ZNF136: variants seen among roughly 807,000 people sequenced by gnomAD.
ZNF136 encodes zinc finger protein 136.
Under a neutral mutation model 11.4 loss-of-function variants are expected in ZNF136, and 8 were observed. The observed-to-expected ratio is 0.70, with a 90% CI of 0.41 to 1.27. ZNF136 has a LOEUF of 1.27. ZNF136 is among the 50% of genes most tolerant of loss of function. The pLI is 0.01. For synonymous variants in ZNF136, 190 were observed against 207.1 expected, an observed-to-expected ratio of 0.92 and a Z score of 0.71; for missense variants, 590 against 656.5, an observed-to-expected ratio of 0.90 and a Z score of 1.11.
rs376172928 is a variant in ZNF136 at position 12,186,800 on chromosome 19, C to A, written c.422C>A (p.Thr141Lys). Reference sequence around the variant, plus strand: ...CAGGAATATGGAGAGAAGCCAGATACACGTAACCAGTGTTGGAAACCCTTC... The same window carrying A: ...CAGGAATATGGAGAGAAGCCAGATAAACGTAACCAGTGTTGGAAACCCTTC... ...EYQEYGEKPD[T>K]RNQCWKPFSS... Residue 141 changes from threonine (T) to lysine (K), a missense_variant, in exon 4 of 4, where the codon ACA becomes AAA. Coordinates refer to ENST00000343979, the MANE Select transcript of ZNF136 (RefSeq NM_003437.5). 6.2e-7 allele frequency: 1 copy of A among 1,614,144 alleles called. No homozygotes were observed. The highest frequency in any genetic ancestry group is 8.5e-7 in the Non-Finnish European group (1 of 1,180,018).
Position 12,187,400 on chromosome 19 carries a change from G to C in ZNF136, c.1022G>C (p.Cys341Ser), listed in dbSNP as rs1915138722. 6.2e-7 allele frequency: 1 copy of C among 1,613,910 alleles called. No individual in the cohort carries two copies. Among genetic ancestry groups the C allele is most frequent in the African/African-American group, 1.3e-5 (1 of 74,876 alleles). Residue 341 changes from cysteine (C) to serine (S), a missense_variant, in exon 4 of 4, where the codon TGT becomes TCT. Coordinates refer to ENST00000343979, the MANE Select transcript of ZNF136 (RefSeq NM_003437.5). Reference sequence around the variant, plus strand: ...GAGAAACCCTTCGTATGTAAACAATGTGGTAAAGCCTTTAGATCTGCCAGT... The same window carrying C: ...GAGAAACCCTTCGTATGTAAACAATCTGGTAAAGCCTTTAGATCTGCCAGT... ...TGEKPFVCKQ[C>S]GKAFRSASTF...
At chr19:12,168,685 T>G (rs1040228093) in intron 1 of ZNF136, among the ~76,000 whole-genome samples, 1 of 152,080 alleles carries the variant, frequency 6.6e-6, no homozygotes, top group African/African-American at 2.4e-5. Context: ...GTCATCCTTT[T>G]TTTTTTTGAG....
chr19:12,181,175 C>A (rs946371323), intron 1 of ZNF136, among the ~76,000 whole-genome samples: 3 of 152,212 alleles, frequency 2.0e-5, no homozygotes, highest in African/African-American at 4.8e-5. Flanking sequence ...ACCCAGGAGA[C>A]CCCGAAGATG....
chr19:12,187,872 C>T lies in ZNF136; in HGVS notation c.1494C>T (p.His498=). 1 of 1,602,976 alleles carries T rather than the reference C, an allele frequency of 6.2e-7. No homozygotes were observed. Among genetic ancestry groups the T allele is most frequent in the Non-Finnish European group, 8.5e-7 (1 of 1,176,640 alleles). Residue 498 remains histidine (H), a synonymous_variant, in exon 4 of 4, where the codon CAC becomes CAT. Coordinates refer to ENST00000343979, the MANE Select transcript of ZNF136 (RefSeq NM_003437.5). The stretch of plus-strand genomic sequence containing the variant: ...CCTTTCGACTACATGAAAGGACTCA[C>T]ACTGGACAGAAACCCTATCATTGCA... ...SSSFRLHERT[H]TGQKPYHCKE... is the part of the protein sequence containing the mutation.
Position 12,187,283 on chromosome 19 carries a change from A to G in ZNF136, c.905A>G (p.His302Arg). The G allele has an allele frequency of 6.2e-7, 1 of 1,614,172 alleles. No individual in the cohort carries two copies. The highest frequency in any genetic ancestry group is 8.5e-7 in the Non-Finnish European group (1 of 1,180,024). Residue 302 changes from histidine to arginine, a missense_variant, in exon 4 of 4, where the codon CAT (histidine) becomes CGT (arginine). Physicochemically the swap from His to Arg is conservative, Grantham distance 29. Coordinates refer to ENST00000343979, the MANE Select transcript of ZNF136 (RefSeq NM_003437.5). ...ACCTTACGAATACATGAAAGAACCC[A>G]TACTGGAGAGAAACCTTATGAATGC... ...SPTLRIHERT[H>R]TGEKPYECKQ... is the part of the protein sequence containing the mutation.
intron 1 of ZNF136, among the ~76,000 whole-genome samples, chr19:12,176,390 G>T (rs1392518949): frequency 6.6e-6 from 1 of 151,988 alleles, no homozygotes; most frequent in Non-Finnish European, 1.5e-5. Flanking sequence ...GCAGTGGCGG[G>T]ATCTCGGCTC....
Position 12,187,599 on chromosome 19 carries a change from T to G in ZNF136, c.1221T>G (p.Phe407Leu). 6.2e-7 allele frequency: 1 copy of G among 1,614,076 alleles called. No individual in the cohort carries two copies. Among genetic ancestry groups the G allele is most frequent in the African/African-American group, 1.3e-5 (1 of 75,014 alleles). ...CGKPFHSLSP[F>L]RIHERTHTGE... ...AACCCTTTCATTCTCTGAGTCCATTTCGAATACATGAAAGAACTCACACTG... is the reference window on the plus strand; with the variant it reads ...AACCCTTTCATTCTCTGAGTCCATTGCGAATACATGAAAGAACTCACACTG... The change falls in exon 4 of 4, where the codon TTT (phenylalanine) becomes TTG (leucine). Residue 407 changes from phenylalanine to leucine, a missense_variant. Coordinates refer to ENST00000343979, the MANE Select transcript of ZNF136 (RefSeq NM_003437.5).
chr19:12,169,812 T>A (rs1344010888), intron 1 of ZNF136, among the ~76,000 whole-genome samples: 1 of 151,338 alleles, frequency 6.6e-6, no homozygotes, highest in Non-Finnish European at 1.5e-5. Context: ...TTATTTTTTT[T>A]GAGACAGAGT....
At position 12,186,701 on chromosome 19, in the gene ZNF136, G is replaced by A. The variant is rs1425760357; in HGVS notation, c.323G>A (p.Gly108Glu). 2 of 1,614,014 alleles carry A rather than the reference G, an allele frequency of 1.2e-6. No individual in the cohort carries two copies. Among genetic ancestry groups the A allele is most frequent in the South Asian group, 1.1e-5 (1 of 91,080 alleles). The stretch of plus-strand genomic sequence containing the variant: ...AAACTCTGTGAAAGCATTGTATATG[G>A]AGAAGTCAGCATGGGTCAGTCATCC... ...GVKLCESIVY[G>E]EVSMGQSSLN... The change falls in exon 4 of 4, where the codon GGA (glycine) becomes GAA (glutamate). Residue 108 changes from glycine to glutamate, a missense_variant. Transcript: ENST00000343979.
At chr19:12,167,570 A>G (rs1977204247) in intron 1 of ZNF136, among the ~76,000 whole-genome samples, 1 of 152,202 alleles carries the variant, frequency 6.6e-6, no homozygotes, top group Admixed American at 6.5e-5. Flanking sequence ...AAAAAAAAGA[A>G]AAGATAAGAC....
intron 1 of ZNF136, among the ~76,000 whole-genome samples, chr19:12,175,894 C>T (rs1914777995): frequency 6.6e-6 from 1 of 152,172 alleles, no homozygotes; most frequent in African/African-American, 2.4e-5. Context: ...TTGAATCATA[C>T]AGTATGTAGT....
Position 12,165,680 on chromosome 19 carries a change from T to A in ZNF136, c.3+2474T>A, listed in dbSNP as rs569828113. Among the ~76,000 whole-genome samples the A allele has an allele frequency of 5.3e-5, 8 of 152,350 alleles. No homozygotes were observed. The East Asian group carries it at 1.2e-3, about 22-fold the overall frequency. On this transcript the variant is annotated intron_variant, in intron 1 of 3. Transcript: ENST00000343979. Reference sequence around the variant, plus strand: ...TGGTCTGTGTCAGAGACACAAAGTCTACAATGTGTGTGTTCACAGTGGTGT... The same window carrying A: ...TGGTCTGTGTCAGAGACACAAAGTCAACAATGTGTGTGTTCACAGTGGTGT...
intron 1 of ZNF136, among the ~76,000 whole-genome samples, chr19:12,176,518 G>A (rs562268188): frequency 6.6e-6 from 1 of 152,122 alleles, no homozygotes; most frequent in East Asian, 1.9e-4. Context: ...GTAGAGATGG[G>A]TTTTCACCAT....
At chr19:12,184,548 A>G (rs956773888) in intron 1 of ZNF136, 2 of 147,186 alleles carry the variant, frequency 1.4e-5, no homozygotes, top group African/African-American at 5.1e-5. Context: ...AGAGAGCCAG[A>G]CTCCGTCTAA....
At chr19:12,174,760 C>T (rs1294003185) in intron 1 of ZNF136, among the ~76,000 whole-genome samples, 2 of 151,772 alleles carry the variant, frequency 1.3e-5, no homozygotes, top group African/African-American at 2.4e-5. Flanking sequence ...CTGAGCCTCC[C>T]GAGTAGCTGG....
intron 1 of ZNF136, among the ~76,000 whole-genome samples, chr19:12,176,097 A>G (rs979696550): frequency 6.6e-6 from 1 of 152,120 alleles, no homozygotes; most frequent in African/African-American, 2.4e-5. Flanking sequence ...GTTGCTTCCA[A>G]ATTTTGAAAA....
chr19:12,172,549 G>A (rs972775594), intron 1 of ZNF136, among the ~76,000 whole-genome samples: 2 of 152,034 alleles, frequency 1.3e-5, no homozygotes, highest in Non-Finnish European at 2.9e-5. Context: ...CCACTAATCC[G>A]GTATCTATTA....
intron 1 of ZNF136, among the ~76,000 whole-genome samples, chr19:12,168,150 C>G (rs1282106691): frequency 1.5e-5 from 2 of 134,292 alleles, no homozygotes; most frequent in African/African-American, 2.8e-5. Flanking sequence ...CCGGCTCACT[C>G]TGATCTCTGC....
At chr19:12,171,886 A>G (rs1914662503) in intron 1 of ZNF136, among the ~76,000 whole-genome samples, 1 of 150,696 alleles carries the variant, frequency 6.6e-6, no homozygotes, top group Admixed American at 6.6e-5. Context: ...AATAAAGAAC[A>G]CTCTCCCTAC....
Sources: allele counts gnomAD v4.1 joint callset (sites outside exome capture counted in the v4.1 genomes callset), GRCh38; gene constraint gnomAD v4.1.1; transcripts MANE v1.5; gene names NCBI Gene and HGNC (gene_info 2026-07-23, HGNC 2026-07-21).